Variants in MYADML2 observed in about 807,000 individuals in gnomAD.
MYADML2 encodes myeloid associated differentiation marker like 2.
MYADML2 carries 17 observed loss-of-function variants against 16.0 expected under a neutral mutation model. The ratio of observed to expected loss-of-function variants is 1.06; its 90% CI spans 0.73 to 1.60. MYADML2 has a LOEUF of 1.60. Ranked by LOEUF, MYADML2 falls within the 40% of genes most tolerant of loss-of-function variation. The pLI is 0.00. For missense variants in MYADML2, 422 were observed against 437.7 expected (o/e 0.96, Z 0.32); for synonymous variants, 210 against 208.1 (o/e 1.01, Z -0.08).
At position 81,944,582 on chromosome 17, in the gene MYADML2, T is replaced by G. The variant is rs1359364134; in HGVS notation, c.-180-2209A>C. Among the ~76,000 whole-genome samples the G allele has an allele frequency of 3.3e-5, 5 of 152,248 alleles. No homozygotes were observed. In the East Asian group the frequency reaches 9.7e-4, roughly 29 times the overall value. On this transcript the variant is annotated intron_variant, in intron 1 of 2. Coordinates refer to ENST00000409745, the MANE Select transcript of MYADML2 (RefSeq NM_001145113.3). Reference sequence around the variant, plus strand: ...TAATCTCCTAACCCATAGGATCATCTGACATGGGGCTCCCAATCCCCTTGA... The same window carrying G: ...TAATCTCCTAACCCATAGGATCATCGGACATGGGGCTCCCAATCCCCTTGA...
Position 81,941,705 on chromosome 17 carries a change from G to T in MYADML2, c.37C>A (p.Leu13Met). ...STMEPPGGAY[L>M]HLGAVTSPVG... ...GGGGATGTCACGGCGCCCAGGTGCAGGTACGCACCCCCAGGGGGCTCCATG... is the reference window on the plus strand; with the variant it reads ...GGGGATGTCACGGCGCCCAGGTGCATGTACGCACCCCCAGGGGGCTCCATG... Residue 13 changes from leucine to methionine, a missense_variant, in exon 3 of 3, where the codon CTG becomes ATG. Physicochemically the swap from Leu to Met is conservative, Grantham distance 15. Transcript: ENST00000409745. The T allele has an allele frequency of 6.5e-7, 1 of 1,541,170 alleles. No individual in the cohort carries two copies. Among genetic ancestry groups the T allele is most frequent in the South Asian group, 1.2e-5 (1 of 83,356 alleles).
Position 81,940,979 on chromosome 17 carries a change from C to T in MYADML2, c.763G>A (p.Asp255Asn), listed in dbSNP as rs187029546. 16 of 1,550,638 alleles carry T rather than the reference C, an allele frequency of 1.0e-5. No individual in the cohort carries two copies. The highest frequency in any genetic ancestry group is 7.1e-5 in the South Asian group (6 of 84,054). Reference protein sequence around the residue: ...AAVIWPVFCFDPKYGEPKRPP... With the variant: ...AAVIWPVFCFNPKYGEPKRPP... The stretch of plus-strand genomic sequence containing the variant: ...CGTTTGGGCTCACCGTACTTGGGAT[C>T]GAAACAGAAGACTGGCCAGATCACG... Residue 255 changes from aspartate to asparagine, a missense_variant, in exon 3 of 3, where the codon GAT becomes AAT. Asp to Asn is a conservative substitution (Grantham distance 23). Coordinates refer to ENST00000409745, the MANE Select transcript of MYADML2 (RefSeq NM_001145113.3).
rs373462435 is a variant in MYADML2, at chr17:81,941,088, G to A, written c.654C>T (p.Gly218=). The A allele has an allele frequency of 4.1e-5, 63 of 1,550,350 alleles. No homozygotes were observed. In the East Asian group the frequency reaches 6.6e-4, roughly 16 times the overall value. Residue 218 remains glycine (G), a synonymous_variant, in exon 3 of 3, where the codon GGC becomes GGT. Transcript: ENST00000409745. ...TVAVVALSVM[G]HTGGLGCPFD... is the part of the protein sequence containing the mutation. ...AGGGGCAGCCCAGGCCCCCTGTGTGGCCCATCACACTCAGGGCCACCACGG... is the reference window on the plus strand; with the variant it reads ...AGGGGCAGCCCAGGCCCCCTGTGTGACCCATCACACTCAGGGCCACCACGG...
At position 81,940,934 on chromosome 17, in the gene MYADML2, C is replaced by T; in HGVS notation, c.808G>A (p.Gly270Ser). 6.5e-7 allele frequency: 1 copy of T among 1,550,180 alleles called. No individual in the cohort carries two copies. Among genetic ancestry groups the T allele is most frequent in the Non-Finnish European group, 8.7e-7 (1 of 1,146,626 alleles). ...EPKRPPNCARGSCPWDSQLVV... is the reference protein window; with the variant it reads ...EPKRPPNCARSSCPWDSQLVV... ...AGCTGGCTGTCCCAGGGACAGCTGC[C>T]CCGAGCACAGTTGGGGGGCCGTTTG... The change falls in exon 3 of 3, where the codon GGC becomes AGC. Residue 270 changes from glycine to serine, a missense_variant. Gly to Ser is a moderately conservative substitution (Grantham distance 56, BLOSUM62 0). Coordinates refer to ENST00000409745, the MANE Select transcript of MYADML2 (RefSeq NM_001145113.3).
Position 81,941,314 on chromosome 17 carries a change from G to A in MYADML2, c.428C>T (p.Ala143Val). The A allele has an allele frequency of 6.5e-7, 1 of 1,549,798 alleles. No individual in the cohort carries two copies. The highest frequency in any genetic ancestry group is 8.7e-7 in the Non-Finnish European group (1 of 1,146,728). Reference protein sequence around the residue: ...VFAGLLFLAYAVEVALTRARP... With the variant: ...VFAGLLFLAYVVEVALTRARP... The stretch of plus-strand genomic sequence containing the variant: ...GGCCCGCGTCAGGGCCACCTCCACA[G>A]CGTAGGCCAGGAAGAGGAGCCCGGC... The change falls in exon 3 of 3, where the codon GCT becomes GTT. Residue 143 changes from alanine to valine, a missense_variant. Coordinates refer to ENST00000409745, the MANE Select transcript of MYADML2 (RefSeq NM_001145113.3).
chr17:81,940,673 G>GCGACC lies in MYADML2; in HGVS notation c.*144_*145insGGTCG. ...CTGAGCCCAGTCTGGAAGTCGGGGA[G>GCGACC]TGACCTCTCCCGTTGTACTTCATCT... On this transcript the variant is annotated 3_prime_UTR_variant, in exon 3 of 3. Coordinates refer to ENST00000409745, the MANE Select transcript of MYADML2 (RefSeq NM_001145113.3). 3 of 886,288 alleles carry GCGACC rather than the reference G, an allele frequency of 3.4e-6. No individual in the cohort carries two copies. The Admixed American group carries it at 8.8e-5, about 26-fold the overall frequency. The allele number at this position is 886,288 out of a possible 1,614,324, so 54.9% of individuals were successfully genotyped here. A position where few individuals can be genotyped will look rare whatever the true frequency, so the allele number is the denominator to read the frequency against.
In MYADML2 at chr17:81,939,729, C is replaced by T. The variant is rs765408997; in HGVS notation, c.*1089G>A. The T allele has an allele frequency of 6.6e-6, 1 of 152,284 alleles. No homozygotes were observed. The highest frequency in any genetic ancestry group is 1.5e-5 in the Non-Finnish European group (1 of 68,082). The allele number at this position is 152,284 out of a possible 1,614,324, so 9.4% of individuals were successfully genotyped here. ...GGCTGAGGGGCTGTTGTGCCACTGC[C>T]CACCCGGCTTGGACTCAGGGGTGGC... On this transcript the variant is annotated 3_prime_UTR_variant, in exon 3 of 3. Coordinates refer to ENST00000409745, the MANE Select transcript of MYADML2 (RefSeq NM_001145113.3).
intron 1 of MYADML2, among the ~76,000 whole-genome samples, chr17:81,943,668 G>A (rs1200687393): frequency 6.6e-6 from 1 of 151,962 alleles, no homozygotes; most frequent in South Asian, 2.1e-4. Flanking sequence ...CTCCCAAAGT[G>A]CTGGGATTAC....
At position 81,947,197 on chromosome 17, in the gene MYADML2, A is replaced by G. The variant is rs1356299709; in HGVS notation, c.-319T>C. On this transcript the variant is annotated 5_prime_UTR_variant, in exon 1 of 3. Transcript: ENST00000409745. ...GTACTGGATCCCATCCCCCAAGGATACAAAGGGACAGCTGTACTTGGGACT... is the reference window on the plus strand; with the variant it reads ...GTACTGGATCCCATCCCCCAAGGATGCAAAGGGACAGCTGTACTTGGGACT... 1 of 152,240 alleles carries G rather than the reference A, an allele frequency of 6.6e-6. No homozygotes were observed. Among genetic ancestry groups the G allele is most frequent in the Admixed American group, 6.5e-5 (1 of 15,284 alleles). 9.4% of individuals were successfully genotyped at this position (152,240 alleles called of 1,614,324 possible).
chr17:81,939,751 T>C lies in MYADML2; in HGVS notation c.*1067A>G, dbSNP rs541267070. 19 of 152,290 alleles carry C rather than the reference T, an allele frequency of 1.2e-4. No homozygotes were observed. Among genetic ancestry groups the C allele is most frequent in the African/African-American group, 3.9e-4 (16 of 41,554 alleles). The allele number at this position is 152,290 out of a possible 1,614,324, so 9.4% of individuals were successfully genotyped here. A position where few individuals can be genotyped will look rare whatever the true frequency, so the allele number is the denominator to read the frequency against. ...TGCCCACCCGGCTTGGACTCAGGGG[T>C]GGCCAGTGGGTCAGCTCCTGGCTGG... On this transcript the variant is annotated 3_prime_UTR_variant, in exon 3 of 3. Transcript: ENST00000409745.
In MYADML2 at chr17:81,941,770, G is replaced by C; in HGVS notation, c.-29C>G. The C allele has an allele frequency of 6.8e-7, 1 of 1,479,592 alleles. No individual in the cohort carries two copies. 91.7% of individuals were successfully genotyped at this position (1,479,592 alleles called of 1,614,324 possible). A position where few individuals can be genotyped will look rare whatever the true frequency, so the allele number is the denominator to read the frequency against. ...GCCAGCCACGTTTCCAGCTCACACA[G>C]TCCCCCAAGGCCCTGGGGTCCCTGC... On this transcript the variant is annotated 5_prime_UTR_variant, in exon 3 of 3. Transcript: ENST00000409745.
intron 1 of MYADML2, among the ~76,000 whole-genome samples, chr17:81,944,994 G>A (rs577935291): frequency 2.6e-5 from 4 of 152,156 alleles, no homozygotes; most frequent in Non-Finnish European, 4.4e-5. Flanking sequence ...GGCGGAGCTC[G>A]GTGGCTGACG....
At chr17:81,945,664 T>G (rs2041339641) in intron 1 of MYADML2, among the ~76,000 whole-genome samples, 1 of 149,240 alleles carries the variant, frequency 6.7e-6, no homozygotes, top group Admixed American at 6.7e-5. Context: ...ATTGCACCAC[T>G]GCACTCCAGC....
chr17:81,947,023 T>C (rs1330389161), intron 1 of MYADML2, 36 bp downstream of exon 1: 1 of 152,044 alleles, frequency 6.6e-6, no homozygotes, highest in Non-Finnish European at 1.5e-5. Flanking sequence ...TAAAAAGCAA[T>C]ACTATGTAAC....
Position 81,942,652 on chromosome 17 carries a change from G to C in MYADML2, c.-180-279C>G, listed in dbSNP as rs1372728399. ...GCGCGATCTCGGCTCCCAGGTTCAA[G>C]CAATTATCCTGCCTCAGCCTCCCAA... On this transcript the variant is annotated intron_variant, in intron 1 of 2. Transcript: ENST00000409745. This position sits in a 1 kb window ranked among gnomAD's most constrained non-coding sequence, Gnocchi z 4.4. Among the ~76,000 whole-genome samples, 1 of 152,148 alleles carries C rather than the reference G, an allele frequency of 6.6e-6. No homozygotes were observed. The highest frequency in any genetic ancestry group is 1.5e-5 in the Non-Finnish European group (1 of 68,026).
In MYADML2 at chr17:81,941,213, T is replaced by C. The variant is rs1442920488; in HGVS notation, c.529A>G (p.Ile177Val). 3.2e-6 allele frequency: 5 copies of C among 1,549,980 alleles called. No homozygotes were observed. In the African/African-American group the frequency reaches 5.5e-5, roughly 17 times the overall value. ...LKIVQAFVAC[I>V]IFGALVHDSR... ...TCATGGACCAGCGCCCCGAAGATGATGCAGGCCACGAAGGCCTGGACGATC... is the reference window on the plus strand; with the variant it reads ...TCATGGACCAGCGCCCCGAAGATGACGCAGGCCACGAAGGCCTGGACGATC... The change falls in exon 3 of 3, where the codon ATC becomes GTC. Residue 177 changes from isoleucine (I) to valine (V), a missense_variant. Transcript: ENST00000409745.
At position 81,941,274 on chromosome 17, in the gene MYADML2, C is replaced by T; in HGVS notation, c.468G>A (p.Val156=). The T allele has an allele frequency of 6.5e-7, 1 of 1,550,096 alleles. No homozygotes were observed. Among genetic ancestry groups the T allele is most frequent in the Non-Finnish European group, 8.7e-7 (1 of 1,146,898 alleles). Residue 156 remains valine, a synonymous_variant, in exon 3 of 3, where the codon GTG becomes GTA. Coordinates refer to ENST00000409745, the MANE Select transcript of MYADML2 (RefSeq NM_001145113.3). ...CCGACACCGTGGCCATATAGCTGCTCACCTGGCCGGGCCGGGCCCGCGTCA... is the reference window on the plus strand; with the variant it reads ...CCGACACCGTGGCCATATAGCTGCTTACCTGGCCGGGCCGGGCCCGCGTCA... ...VALTRARPGQ[V]SSYMATVSGL... is the part of the protein sequence containing the mutation.
At position 81,946,324 on chromosome 17, in the gene MYADML2, T is replaced by C. The variant is rs200388819; in HGVS notation, c.-181+735A>G. On this transcript the variant is annotated intron_variant, in intron 1 of 2. Transcript: ENST00000409745. Reference sequence around the variant, plus strand: ...CAGCCGAGATCGTGCCACTGCACTGTAGCCTGGCGACAGAGCAAGACTCAG... The same window carrying C: ...CAGCCGAGATCGTGCCACTGCACTGCAGCCTGGCGACAGAGCAAGACTCAG... Among the ~76,000 whole-genome samples the C allele has an allele frequency of 5.1e-4, 73 of 142,232 alleles. 1 individual carries two copies. The East Asian group carries it at 0.014, about 28-fold the overall frequency. The allele number at this position is 142,232 out of a possible 152,430, so 93.3% of individuals were successfully genotyped here. A position where few individuals can be genotyped will look rare whatever the true frequency, so the allele number is the denominator to read the frequency against.
chr17:81,944,983 T>C (rs1262632695), intron 1 of MYADML2, among the ~76,000 whole-genome samples: 1 of 152,082 alleles, frequency 6.6e-6, no homozygotes, highest in Non-Finnish European at 1.5e-5. Context: ...AATAAAGTGT[T>C]GGCGGAGCTC....
Sources: allele counts gnomAD v4.1 joint callset (sites outside exome capture counted in the v4.1 genomes callset), GRCh38; gene constraint gnomAD v4.1.1; non-coding constraint Gnocchi (gnomAD v3.1); transcripts MANE v1.5; gene names NCBI Gene and HGNC (gene_info 2026-07-23, HGNC 2026-07-21).